The following PPP6R2 variants were observed in gnomAD, a reference collection of about 807,000 sequenced individuals.
The protein encoded by PPP6R2 is protein phosphatase 6 regulatory subunit 2.
PPP6R2 carries 62 observed loss-of-function variants against 100.2 expected under a neutral mutation model. That is an observed-to-expected ratio of 0.62 (90% confidence interval 0.50 to 0.76). The LOEUF (loss-of-function observed/expected upper bound fraction) is 0.76. Ranked by LOEUF, PPP6R2 falls within the 30% of genes least tolerant of loss-of-function variation. The probability of loss-of-function intolerance (pLI) is 0.00; values close to 1 mark genes in which losing one functional copy is unlikely to be tolerated. For missense variants in PPP6R2, 1,142 were observed against 1,276.3 expected, an observed-to-expected ratio of 0.89 and a Z score of 1.60; for synonymous variants, 525 against 514.7, an observed-to-expected ratio of 1.02 and a Z score of -0.27.
At chr22:50,336,833 A>G in the PPP6R2 span, among the ~76,000 whole-genome samples, 1 of 151,780 alleles carries the variant, frequency 6.6e-6, no homozygotes, top group Non-Finnish European at 1.5e-5. Context: ...CAGCCTCCAG[A>G]GTAGCTGGGA....
intron 3 of PPP6R2, among the ~76,000 whole-genome samples, chr22:50,398,633 G>A (rs536179814): frequency 1.9e-4 from 28 of 149,254 alleles, no homozygotes; most frequent in African/African-American, 4.2e-4. Flanking sequence ...CTCCTACCTC[G>A]GTCTCCTTAG....
At chr22:50,418,278 C>T (rs551905619) in intron 6 of PPP6R2, among the ~76,000 whole-genome samples, 1 of 152,258 alleles carries the variant, frequency 6.6e-6, no homozygotes, top group South Asian at 2.1e-4. Flanking sequence ...AAAACTCTAA[C>T]CAGATCTACA....
At chr22:50,383,819 C>G (rs9616788) in intron 2 of PPP6R2, among the ~76,000 whole-genome samples, 2 of 151,428 alleles carry the variant, frequency 1.3e-5, no homozygotes, top group African/African-American at 4.9e-5. Context: ...GGCGGATCAC[C>G]TGAGGTCAGG....
intron 3 of PPP6R2, among the ~76,000 whole-genome samples, chr22:50,396,101 CAGG>C (rs1245886408): frequency 1.4e-5 from 2 of 147,332 alleles, no homozygotes; most frequent in East Asian, 4.0e-4. Context: ...GAGGCTGAAG[CAGG>C]AGAATGGCTT....
rs2061652223 is a variant in PPP6R2 at position 50,423,916 on chromosome 22, A to G, written c.1125+302A>G. On this transcript the variant is annotated intron_variant, in intron 10 of 23. Coordinates refer to ENST00000612753, the MANE Select transcript of PPP6R2 (RefSeq NM_001242898.2). This position sits in a 1 kb window ranked among gnomAD's most constrained non-coding sequence, Gnocchi z 4.8. ...GAGTGACACGTCTACCTCCTTTCTC[A>G]TGTTCTGACTGAACAACATAGAACT... Among the ~76,000 whole-genome samples, 1 of 152,220 alleles carries G rather than the reference A, an allele frequency of 6.6e-6. No homozygotes were observed. Among genetic ancestry groups the G allele is most frequent in the Non-Finnish European group, 1.5e-5 (1 of 68,026 alleles).
At position 50,440,870 on chromosome 22, in the gene PPP6R2, C is replaced by T. The variant is rs1302528033; in HGVS notation, c.2423C>T (p.Ala808Val). 1.2e-6 allele frequency: 2 copies of T among 1,613,872 alleles called. No individual in the cohort carries two copies. Among genetic ancestry groups the T allele is most frequent in the Admixed American group, 3.3e-5 (2 of 60,018 alleles). The change falls in exon 22 of 24, where the codon GCC (alanine) becomes GTC (valine). Residue 808 changes from alanine (A) to valine (V), a missense_variant. Ala to Val is a moderately conservative substitution (Grantham distance 64). This residue lies in a region of PPP6R2 where 550 missense variants were observed against 517.4 expected (regional missense o/e 1.06). Coordinates refer to ENST00000612753, the MANE Select transcript of PPP6R2 (RefSeq NM_001242898.2). ...CAWNVCVTRK[A>V]PLLASDSSSS... ...TGGAACGTGTGTGTCACCAGGAAGG[C>T]CCCCCTGCTGGCCTCTGACAGTAGC...
chr22:50,442,027 A>G (rs1263873540), intron 22 of PPP6R2, among the ~76,000 whole-genome samples: 2 of 152,166 alleles, frequency 1.3e-5, no homozygotes, highest in African/African-American at 4.8e-5. Flanking sequence ...GGATTCCTCT[A>G]GGAGGGGACA....
At chr22:50,393,572 C>T (rs897229033) in intron 2 of PPP6R2, 2 of 980,436 alleles carry the variant, frequency 2.0e-6, no homozygotes, top group Non-Finnish European at 2.4e-6. Flanking sequence ...AGGGGGTTAG[C>T]CCAGAGGAGA....
intron 2 of PPP6R2, among the ~76,000 whole-genome samples, chr22:50,381,399 C>T (rs1284009736): frequency 3.9e-4 from 35 of 88,694 alleles, no homozygotes; most frequent in Admixed American, 2.4e-3. Flanking sequence ...CACACGGGCC[C>T]CACCTCAGCA....
At chr22:50,414,526 T>A in intron 4 of PPP6R2, 26 bp from the exon 5 acceptor site, 1 of 1,610,360 alleles carries the variant, frequency 6.2e-7, no homozygotes, top group Non-Finnish European at 8.5e-7. Flanking sequence ...CGGCCCCGCC[T>A]GCCTCTCAGG....
chr22:50,340,905 T>TATTTC (rs1043684853), upstream of PPP6R2, among the ~76,000 whole-genome samples: 4 of 151,926 alleles, frequency 2.6e-5, no homozygotes, highest in East Asian at 1.9e-4. Context: ...TGATGTGACC[T>TATTTC]ATTTCATTTC....
intron 22 of PPP6R2, among the ~76,000 whole-genome samples, chr22:50,441,494 C>T (rs922510070): frequency 1.3e-5 from 2 of 152,190 alleles, no homozygotes; most frequent in Non-Finnish European, 2.9e-5. Flanking sequence ...GGGGCTCACG[C>T]AGACCTCGCC....
At chr22:50,374,492 T>C (rs1287216807) in intron 2 of PPP6R2, among the ~76,000 whole-genome samples, 1 of 152,120 alleles carries the variant, frequency 6.6e-6, no homozygotes, top group Non-Finnish European at 1.5e-5. Flanking sequence ...AATTCTAGAA[T>C]GAAAAAATCA....
At chr22:50,439,579 C>T in intron 19 of PPP6R2, 122 bp from the exon 20 acceptor site, 2 of 1,149,700 alleles carry the variant, frequency 1.7e-6, no homozygotes, top group Non-Finnish European at 2.4e-6. Flanking sequence ...GGCCTCCCTC[C>T]TGGAGCAGCC....
chr22:50,380,783 A>G (rs113502808), intron 2 of PPP6R2, among the ~76,000 whole-genome samples: 44,911 of 149,666 alleles, frequency 0.3, 7,049 homozygotes, highest in South Asian at 0.43. Context: ...AGGTCAGGAG[A>G]TCGAGACCAT....
the PPP6R2 span, among the ~76,000 whole-genome samples, chr22:50,337,905 T>A: frequency 7.9e-6 from 1 of 126,972 alleles, no homozygotes; most frequent in African/African-American, 3.1e-5. Flanking sequence ...GTGGTCTGTG[T>A]GGTGTAGTGT....
At chr22:50,415,592 C>T (rs1250233529) in intron 5 of PPP6R2, among the ~76,000 whole-genome samples, 4 of 152,256 alleles carry the variant, frequency 2.6e-5, no homozygotes, top group Non-Finnish European at 4.4e-5. Context: ...CGCAGCAGTG[C>T]GGTGCGGTAG....
intron 1 of PPP6R2, among the ~76,000 whole-genome samples, chr22:50,369,905 A>AT (rs1353992863): frequency 0.11 from 13,005 of 123,580 alleles, 1,490 homozygotes; most frequent in African/African-American, 0.29. Flanking sequence ...CAGCTAAGTA[A>AT]TTTTTTTTTT....
chr22:50,436,556 C>A, intron 14 of PPP6R2, 104 bp downstream of exon 14: 1 of 1,131,996 alleles, frequency 8.8e-7, no homozygotes, highest in Non-Finnish European at 1.3e-6. Context: ...GGCACAAGGG[C>A]CGCACGCCTG....
Sources: gnomAD v4.1 joint callset for allele counts (sites outside exome capture counted in the v4.1 genomes callset) on GRCh38, gnomAD v4.1.1 for gene constraint, gnomAD v4.1.1 regional missense constraint, Gnocchi (gnomAD v3.1) non-coding constraint, MANE v1.5 for transcripts, NCBI Gene and HGNC (gene_info 2026-07-23, HGNC 2026-07-21) for gene names.